The following CTNNA2 variants were observed in gnomAD, a reference collection of about 807,000 sequenced individuals.
CTNNA2 encodes the protein catenin alpha 2, also known as catenin alpha-2.
In CTNNA2, 42 loss-of-function variants were observed where a neutral mutation model predicts 101.0. The observed-to-expected ratio is 0.42, with a 90% CI of 0.32 to 0.54. The LOEUF is 0.54. Ranked by LOEUF, CTNNA2 falls within the 20% of genes least tolerant of loss-of-function variation. The pLI is 0.14. For missense variants in CTNNA2, 871 were observed against 1,223.1 expected (o/e 0.71, Z 4.29); for synonymous variants, 450 against 456.4 (o/e 0.99, Z 0.18).
rs535228742 is a variant in CTNNA2 at position 80,068,498 on chromosome 2, T to A, written c.1056+158701T>A. 3.9e-4 allele frequency among the ~76,000 whole-genome samples: 60 copies of A among 152,376 alleles called. No individual in the cohort carries two copies. In the South Asian group the frequency reaches 7.7e-3, roughly 19 times the overall value. On this transcript the variant is annotated intron_variant, in intron 7 of 18. Transcript: ENST00000402739. ...TCCTTGCACATTGCATGAATTTTTT[T>A]AAATCCTGTCACGCTTTGTTGGCTC...
chr2:80,116,427 G>T (rs951295940), intron 7 of CTNNA2, among the ~76,000 whole-genome samples: 6 of 149,484 alleles, frequency 4.0e-5, no homozygotes, highest in South Asian at 4.3e-4. Context: ...AATTTAGAAA[G>T]ATAGCACTCT....
At chr2:80,562,175 C>T (rs1004539983) in intron 12 of CTNNA2, among the ~76,000 whole-genome samples, 9 of 134,756 alleles carry the variant, frequency 6.7e-5, no homozygotes, top group African/African-American at 2.3e-4. Flanking sequence ...TATTTTCATT[C>T]AGACAGGGTT....
chr2:80,181,576 A>T (rs1044725404), intron 7 of CTNNA2, among the ~76,000 whole-genome samples: 3 of 152,130 alleles, frequency 2.0e-5, no homozygotes, highest in African/African-American at 7.2e-5. Context: ...TCTACAGGAG[A>T]TAAGACTCAG....
intron 7 of CTNNA2, among the ~76,000 whole-genome samples, chr2:80,072,550 A>G (rs1698411631): frequency 6.6e-6 from 1 of 152,190 alleles, no homozygotes. Flanking sequence ...CTGTAAATAC[A>G]TAGAGTAACT....
Position 79,223,507 on chromosome 2 carries a change from G to A in CTNNA2, c.-406+25431G>A, listed in dbSNP as rs542923869. On this transcript the variant is annotated intron_variant, in intron 2 of 21. Coordinates refer to the CTNNA2 transcript ENST00000466387. ...GGAGACCATGTTTTCCCAGTTAGAC[G>A]AAGTAGTTACTGAGCATAGTTCAAT... Among the ~76,000 whole-genome samples the A allele has an allele frequency of 9.8e-4, 149 of 152,184 alleles. 1 individual carries two copies. The highest frequency in any genetic ancestry group is 3.4e-3 in the African/African-American group (143 of 41,520).
chr2:80,487,378 G>C (rs1686679598), intron 9 of CTNNA2, among the ~76,000 whole-genome samples: 2 of 152,054 alleles, frequency 1.3e-5, no homozygotes. Flanking sequence ...GCTGAAGACT[G>C]GGTAGTTATA....
chr2:80,293,397 T>C (rs554895528), intron 7 of CTNNA2, among the ~76,000 whole-genome samples: 24 of 152,320 alleles, frequency 1.6e-4, no homozygotes, highest in South Asian at 8.3e-4. Flanking sequence ...AATATGCTGA[T>C]GGTGAACACC....
chr2:79,333,480 T>G lies in CTNNA2; in HGVS notation c.-318+20684T>G, dbSNP rs575153792. On this transcript the variant is annotated intron_variant, in intron 3 of 21. Transcript: ENST00000466387. ...TAGGTTGGCTGCAATTCTTCCTCAC[T>G]AAAACTAAGCATTAGAATTAAACAC... Among the ~76,000 whole-genome samples, 3 of 152,270 alleles carry G rather than the reference T, an allele frequency of 2.0e-5. No homozygotes were observed. In the East Asian group the frequency reaches 5.8e-4, roughly 29 times the overall value.
intron 7 of CTNNA2, among the ~76,000 whole-genome samples, chr2:80,220,485 G>A (rs1356046170): frequency 6.6e-6 from 1 of 152,184 alleles, no homozygotes; most frequent in Non-Finnish European, 1.5e-5. Context: ...ACTTTGGGAG[G>A]CCAAGACTGG....
At chr2:80,218,450 G>A (rs940685999) in intron 7 of CTNNA2, among the ~76,000 whole-genome samples, 3 of 152,220 alleles carry the variant, frequency 2.0e-5, no homozygotes, top group African/African-American at 7.2e-5. Context: ...TTGCCCTTGG[G>A]GCAGACATCC....
intron 7 of CTNNA2, among the ~76,000 whole-genome samples, chr2:80,004,671 A>ACATT (rs1362517563): frequency 9.2e-6 from 1 of 109,202 alleles, no homozygotes; most frequent in Admixed American, 1.0e-4. Flanking sequence ...ATTTTATTTT[A>ACATT]CATTTATTTA....
intron 2 of CTNNA2, among the ~76,000 whole-genome samples, chr2:79,289,679 A>G (rs1216596366): frequency 6.6e-6 from 1 of 152,198 alleles, no homozygotes; most frequent in African/African-American, 2.4e-5. Flanking sequence ...CAGGAGCCAG[A>G]GATTGCAGTG....
chr2:79,925,807 G>GA lies in CTNNA2; in HGVS notation c.1056+16017dup, dbSNP rs1391553491. Among the ~76,000 whole-genome samples the GA allele has an allele frequency of 3.3e-5, 5 of 151,384 alleles. No homozygotes were observed. In the East Asian group the frequency reaches 5.8e-4, roughly 18 times the overall value. On this transcript the variant is annotated intron_variant, in intron 7 of 18. Transcript: ENST00000402739. Reference sequence around the variant, plus strand: ...TGGTTTTTATGTAAAATTGTATTTGGAAAAAAACCAGATCCTGTTTTTAAG... The same window carrying GA: ...TGGTTTTTATGTAAAATTGTATTTGGAAAAAAAACCAGATCCTGTTTTTAAG...
intron 12 of CTNNA2, among the ~76,000 whole-genome samples, chr2:80,566,818 A>G (rs540902577): frequency 6.6e-6 from 1 of 152,322 alleles, no homozygotes; most frequent in Non-Finnish European, 1.5e-5. Context: ...GCCAAAGGGA[A>G]TAAAAAACTA....
At position 79,849,701 on chromosome 2, in the gene CTNNA2, T is replaced by G. The variant is rs563687274; in HGVS notation, c.299-8312T>G. On this transcript the variant is annotated intron_variant, in intron 3 of 18. Transcript: ENST00000402739. ...AAGGAGTTGCTCCTTTCACTAGAAC[T>G]TTCCTTTAGCAAATGTTTTGGTTTC... Among the ~76,000 whole-genome samples, 517 of 152,330 alleles carry G rather than the reference T, an allele frequency of 3.4e-3. 2 individuals carry two copies. The highest frequency in any genetic ancestry group is 4.9e-3 in the Non-Finnish European group (331 of 68,032).
intron 7 of CTNNA2, among the ~76,000 whole-genome samples, chr2:80,082,336 C>G (rs73940938): frequency 6.6e-6 from 1 of 152,044 alleles, no homozygotes; most frequent in African/African-American, 2.4e-5. Context: ...GATTTGGTAT[C>G]CCCAGTACCT....
intron 7 of CTNNA2, among the ~76,000 whole-genome samples, chr2:79,917,260 G>A (rs1442887811): frequency 2.0e-5 from 3 of 151,688 alleles, no homozygotes; most frequent in Admixed American, 6.6e-5. Flanking sequence ...TAGTAGAGAC[G>A]GGTTTCAGCA....
intron 1 of CTNNA2, among the ~76,000 whole-genome samples, chr2:79,629,021 C>T (rs1679506275): frequency 6.6e-6 from 1 of 152,148 alleles, no homozygotes; most frequent in Non-Finnish European, 1.5e-5. Context: ...TCCTGTTGTA[C>T]CAAGAATAAA....
intron 4 of CTNNA2, among the ~76,000 whole-genome samples, chr2:79,466,227 T>G (rs916542970): frequency 1.3e-5 from 2 of 152,178 alleles, no homozygotes. Flanking sequence ...CACCAGGAGA[T>G]TATATCCTGC....
Sources: allele counts gnomAD v4.1 joint callset (sites outside exome capture counted in the v4.1 genomes callset), GRCh38; gene constraint gnomAD v4.1.1; transcripts MANE v1.5; gene names NCBI Gene and HGNC (gene_info 2026-07-23, HGNC 2026-07-21).